CADM2: variants seen among roughly 807,000 people sequenced by gnomAD.
CADM2 encodes cell adhesion molecule 2, also known as immunoglobulin superfamily member 4D.
A neutral mutation model predicts 49.8 loss-of-function variants in CADM2; 12 were observed. That is an observed-to-expected ratio of 0.24 (90% CI 0.15 to 0.39). The LOEUF (loss-of-function observed/expected upper bound fraction) is 0.39. Among genes scored for constraint, CADM2 ranks in the 10% least tolerant of loss-of-function variants. The pLI, the probability that CADM2 is intolerant of heterozygous loss-of-function variation, is 1.00. For synonymous variants in CADM2, 214 were observed against 175.4 expected (o/e 1.22, Z -1.74); for missense variants, 378 against 492.3 (o/e 0.77, Z 2.20).
intron 8 of CADM2, among the ~76,000 whole-genome samples, chr3:85,975,167 C>A (rs1726625015): frequency 6.6e-6 from 1 of 151,242 alleles, no homozygotes; most frequent in South Asian, 2.1e-4. Flanking sequence ...ATTTCATATC[C>A]TATCTAAAAC....
intron 2 of CADM2, among the ~76,000 whole-genome samples, chr3:85,742,907 G>A (rs768063731): frequency 2.6e-5 from 4 of 152,166 alleles, no homozygotes; most frequent in Non-Finnish European, 4.4e-5. Context: ...TTTCAACTGA[G>A]ATTTTTCCTC....
intron 3 of CADM2, among the ~76,000 whole-genome samples, chr3:85,835,413 C>T (rs959758299): frequency 2.7e-5 from 4 of 150,228 alleles, no homozygotes; most frequent in Non-Finnish European, 4.5e-5. Context: ...AAGTCAAGCT[C>T]ACATGGGCAT....
chr3:85,942,234 C>T (rs1200276335), intron 7 of CADM2, among the ~76,000 whole-genome samples: 2 of 151,916 alleles, frequency 1.3e-5, no homozygotes, highest in African/African-American at 2.4e-5. Flanking sequence ...AAAAATACCA[C>T]CAGGCCTGCC....
intron 1 of CADM2, among the ~76,000 whole-genome samples, chr3:85,607,377 C>T (rs1407373341): frequency 6.6e-6 from 1 of 151,966 alleles, no homozygotes; most frequent in Non-Finnish European, 1.5e-5. Flanking sequence ...AATGGGTAAA[C>T]TAAGCAGGCA....
intron 1 of CADM2, among the ~76,000 whole-genome samples, chr3:85,445,374 G>A (rs375717383): frequency 1.3e-5 from 2 of 152,180 alleles, no homozygotes; most frequent in South Asian, 4.1e-4. Flanking sequence ...GATGTGAAAT[G>A]TAATCCAACA....
chr3:85,343,726 A>C (rs2030213712), intron 1 of CADM2, among the ~76,000 whole-genome samples: 5 of 152,200 alleles, frequency 3.3e-5, no homozygotes, highest in Admixed American at 3.3e-4. Flanking sequence ...TTCATAGAAG[A>C]GGAAGATTGC....
At chr3:85,212,892 C>CTTTCTTTCTTTCTCTTTT (rs2041833115) in intron 1 of CADM2, among the ~76,000 whole-genome samples, 1 of 110,180 alleles carries the variant, frequency 9.1e-6, no homozygotes, top group Non-Finnish European at 1.7e-5. Flanking sequence ...CTTTCTCTTT[C>CTTTCTTTCTTTCTCTTTT]TTTCTTTTAA....
chr3:85,622,618 C>G (rs1001024287), intron 1 of CADM2, among the ~76,000 whole-genome samples: 5 of 152,088 alleles, frequency 3.3e-5, no homozygotes, highest in African/African-American at 9.7e-5. Flanking sequence ...TTTTCTTAAC[C>G]ATCTTTTCCC....
intron 3 of CADM2, among the ~76,000 whole-genome samples, chr3:85,870,368 C>T (rs1485649585): frequency 2.0e-5 from 3 of 151,894 alleles, no homozygotes; most frequent in African/African-American, 7.3e-5. Context: ...TTGAGCCTAG[C>T]ACCCACTAAT....
chr3:85,431,787 GA>G (rs1170007711), intron 1 of CADM2, among the ~76,000 whole-genome samples: 2 of 136,342 alleles, frequency 1.5e-5, no homozygotes, highest in Admixed American at 1.6e-4. Context: ...ATTGAGAGGG[GA>G]AAAAAAAGAA....
At chr3:86,012,556 C>G in intron 8 of CADM2, 3 of 1,500,074 alleles carry the variant, frequency 2.0e-6, no homozygotes, top group Admixed American at 4.1e-5. Flanking sequence ...AGCGGGCGGG[C>G]GAAGATGCCG....
At chr3:85,154,711 G>C (rs2107653683) in intron 1 of CADM2, among the ~76,000 whole-genome samples, 1 of 148,636 alleles carries the variant, frequency 6.7e-6, no homozygotes, top group East Asian at 2.0e-4. Flanking sequence ...TACCCTCAAA[G>C]GGAAGCCCAT....
At chr3:85,604,301 C>T (rs1468378876) in intron 1 of CADM2, among the ~76,000 whole-genome samples, 1 of 151,884 alleles carries the variant, frequency 6.6e-6, no homozygotes, top group Non-Finnish European at 1.5e-5. Flanking sequence ...TCATAAGGTT[C>T]TGAGGCTTAA....
At chr3:85,150,923 A>AAATAATAATAAT (rs199583843) in intron 1 of CADM2, among the ~76,000 whole-genome samples, 41 of 146,816 alleles carry the variant, frequency 2.8e-4, no homozygotes, top group East Asian at 1.2e-3. Flanking sequence ...AAATAAAAAT[A>AAATAATAATAAT]AATAATAATA....
chr3:85,463,651 A>G (rs886778982), intron 1 of CADM2, among the ~76,000 whole-genome samples: 31 of 152,168 alleles, frequency 2.0e-4, no homozygotes, highest in African/African-American at 7.5e-4. Context: ...TTCAACCCTG[A>G]AGGCTGAATG....
At chr3:85,462,652 A>C (rs765724224) in intron 1 of CADM2, among the ~76,000 whole-genome samples, 2 of 152,166 alleles carry the variant, frequency 1.3e-5, no homozygotes, top group Non-Finnish European at 2.9e-5. Context: ...CCTTCAAATA[A>C]TATTATGTCA....
intron 1 of CADM2, among the ~76,000 whole-genome samples, chr3:85,134,843 T>G (rs1268858554): frequency 6.6e-6 from 1 of 152,064 alleles, no homozygotes; most frequent in East Asian, 1.9e-4. Flanking sequence ...TGAAACTAAT[T>G]GTATTACAGA....
chr3:85,078,654 G>A (rs969458247), intron 1 of CADM2, among the ~76,000 whole-genome samples: 1 of 151,380 alleles, frequency 6.6e-6, no homozygotes, highest in Non-Finnish European at 1.5e-5. Context: ...GTGAATAGAT[G>A]TTCTCTGAAA....
At chr3:85,521,281 A>G (rs2061021338) in intron 1 of CADM2, among the ~76,000 whole-genome samples, 1 of 152,144 alleles carries the variant, frequency 6.6e-6, no homozygotes, top group Non-Finnish European at 1.5e-5. Context: ...GATTTTAGGC[A>G]AATCCATTAT....
Sources: allele counts gnomAD v4.1 joint callset (sites outside exome capture counted in the v4.1 genomes callset), GRCh38; gene constraint gnomAD v4.1.1; transcripts MANE v1.5; gene names NCBI Gene and HGNC (gene_info 2026-07-23, HGNC 2026-07-21).